The following MCF2L variants were observed in gnomAD, a reference collection of about 807,000 sequenced individuals.
MCF2L encodes MCF.2 cell line derived transforming sequence like, also known as guanine nucleotide exchange factor DBS.
MCF2L carries 97 observed loss-of-function variants against 153.4 expected under a neutral mutation model. The observed-to-expected ratio is 0.63, with a 90% CI of 0.54 to 0.75. The LOEUF is 0.75. MCF2L is among the 30% of genes least tolerant of loss of function. The pLI is 0.00. For missense variants in MCF2L, 1,347 were observed against 1,495.2 expected (o/e 0.90, Z 1.64); for synonymous variants, 659 against 632.2 (o/e 1.04, Z -0.64).
chr13:112,982,389 C>T (rs570387568), intron 1 of MCF2L, among the ~76,000 whole-genome samples: 3 of 152,298 alleles, frequency 2.0e-5, no homozygotes, highest in East Asian at 1.9e-4. Flanking sequence ...CTGGAGCCTG[C>T]GGACTGCAGG....
At chr13:113,004,850 C>G (rs769791006) in intron 1 of MCF2L, among the ~76,000 whole-genome samples, 1 of 152,212 alleles carries the variant, frequency 6.6e-6, no homozygotes, top group African/African-American at 2.4e-5. Context: ...CTGGACCTTA[C>G]GAAGACAAGT....
intron 3 of MCF2L, among the ~76,000 whole-genome samples, chr13:113,036,131 A>T (rs1019841701): frequency 3.3e-5 from 5 of 152,206 alleles, no homozygotes; most frequent in Admixed American, 3.3e-4. Context: ...CCCATTCTCC[A>T]TGCCCAGAGG....
chr13:112,935,191 C>G (rs553953363), intron 2 of MCF2L, among the ~76,000 whole-genome samples: 1 of 152,162 alleles, frequency 6.6e-6, no homozygotes. Context: ...GAAACCATAC[C>G]TCACATACCC....
intron 13 of MCF2L, among the ~76,000 whole-genome samples, chr13:113,077,696 G>A (rs943069535): frequency 5.3e-5 from 8 of 152,300 alleles, no homozygotes; most frequent in South Asian, 2.1e-4. Context: ...AGTCCGGCGC[G>A]CATTGCTGGT....
At chr13:113,072,938 A>G (rs765583461) in intron 9 of MCF2L, among the ~76,000 whole-genome samples, 1 of 152,048 alleles carries the variant, frequency 6.6e-6, no homozygotes, top group Non-Finnish European at 1.5e-5. Context: ...ATACATATTT[A>G]ATAAGAACAC....
intron 2 of MCF2L, among the ~76,000 whole-genome samples, chr13:112,934,298 G>A (rs1049981700): frequency 1.3e-5 from 2 of 152,222 alleles, no homozygotes; most frequent in African/African-American, 4.8e-5. Context: ...GGTCCACAGC[G>A]GGGAGGCTCA....
chr13:112,996,589 C>A (rs878942927), intron 1 of MCF2L, among the ~76,000 whole-genome samples: 1 of 152,178 alleles, frequency 6.6e-6, no homozygotes, highest in Admixed American at 6.5e-5. Flanking sequence ...AGAGGCCCTG[C>A]GTCTCCATCT....
intron 9 of MCF2L, among the ~76,000 whole-genome samples, chr13:113,073,648 C>T (rs748038576): frequency 2.6e-5 from 4 of 152,208 alleles, no homozygotes; most frequent in Admixed American, 6.5e-5. Flanking sequence ...GGCATGGTGG[C>T]TCACACCTGT....
intron 1 of MCF2L, among the ~76,000 whole-genome samples, chr13:112,984,012 G>A (rs1475644550): frequency 6.6e-6 from 1 of 152,202 alleles, no homozygotes; most frequent in African/African-American, 2.4e-5. Flanking sequence ...AGTGGATGTT[G>A]TCTGTTTACT....
intron 2 of MCF2L, among the ~76,000 whole-genome samples, chr13:113,017,254 G>A (rs1474613529): frequency 6.6e-6 from 1 of 152,178 alleles, no homozygotes; most frequent in Non-Finnish European, 1.5e-5. Flanking sequence ...ATGCACTGGG[G>A]GACCGAAACA....
intron 2 of MCF2L, chr13:112,955,909 C>T (rs920509773): frequency 4.6e-5 from 7 of 152,174 alleles, no homozygotes; most frequent in Non-Finnish European, 8.8e-5. Flanking sequence ...CATTTAGTCC[C>T]GGAGGATGGA....
chr13:112,962,552 T>G (rs3011475), intron 2 of MCF2L, among the ~76,000 whole-genome samples: 1 of 152,030 alleles, frequency 6.6e-6, no homozygotes, highest in African/African-American at 2.4e-5. Context: ...CAGTGCAGCC[T>G]TCACACCTGA....
intron 1 of MCF2L, among the ~76,000 whole-genome samples, chr13:112,895,527 A>C (rs1407350261): frequency 6.6e-6 from 1 of 152,088 alleles, no homozygotes; most frequent in Non-Finnish European, 1.5e-5. Flanking sequence ...TCTAGCCCCC[A>C]GGACTCCTAA....
intron 1 of MCF2L, chr13:112,985,469 C>T (rs538338749): frequency 5.7e-5 from 27 of 471,028 alleles, no homozygotes; most frequent in Admixed American, 3.5e-4. Flanking sequence ...GGCTGCTGTC[C>T]GTGGCTGAGG....
chr13:112,979,521 G>A lies in MCF2L; in HGVS notation c.79+10063G>A, dbSNP rs1169672439. The A allele has an allele frequency of 8.8e-6, 13 of 1,485,136 alleles. No homozygotes were observed. In the Admixed American group the frequency reaches 2.9e-4, roughly 34 times the overall value. The allele number at this position is 1,485,136 out of a possible 1,614,324, so 92.0% of individuals were successfully genotyped here. On this transcript the variant is annotated intron_variant, in intron 1 of 29. Coordinates refer to ENST00000535094, the MANE Select transcript of MCF2L (RefSeq NM_001112732.3). ...CCAGGGTCCTGAGCACCTGTCTCTT[G>A]TGACCATGCGGCACCCGCCCGGCTT... is the stretch of plus-strand genomic sequence containing the variant.
At position 113,087,465 on chromosome 13, in the gene MCF2L, G is replaced by T. The variant is rs778073341; in HGVS notation, c.2595+9G>T. 4 of 1,589,318 alleles carry T rather than the reference G, an allele frequency of 2.5e-6. No homozygotes were observed. The highest frequency in any genetic ancestry group is 1.3e-5 in the African/African-American group (1 of 74,626). ...ACAAGCAGTCCTTAAACGTAAGTGA[G>T]GCCGGGTCTGCAGCAGCACGCTCCT... On this transcript the variant is annotated intron_variant, in intron 22 of 29. Transcript: ENST00000535094.
Position 113,077,093 on chromosome 13 carries a change from G to A in MCF2L, c.1542G>A (p.Glu514=), listed in dbSNP as rs781114671. ...TCTTCCAGAAGCAGGCAAGCATGGA[G>A]GAGGTGTTCCACCGCAGGCAGGCCA... The part of the protein sequence containing the change: ...RKVFQKQASM[E]EVFHRRQASL... Residue 514 remains glutamate, a synonymous_variant, in exon 13 of 30, where the codon GAG becomes GAA. Coordinates refer to ENST00000535094, the MANE Select transcript of MCF2L (RefSeq NM_001112732.3). The A allele has an allele frequency of 1.9e-6, 3 of 1,612,862 alleles. No individual in the cohort carries two copies. The highest frequency in any genetic ancestry group is 2.5e-6 in the Non-Finnish European group (3 of 1,179,826).
Position 113,094,632 on chromosome 13 carries a change from G to C in MCF2L, c.3072G>C (p.Lys1024Asn). Residue 1024 changes from lysine to asparagine, a missense_variant, in exon 27 of 30, where the codon AAG (lysine) becomes AAC (asparagine). This residue lies in a region of MCF2L where 383 missense variants were observed against 335.4 expected (regional missense o/e 1.14). Transcript: ENST00000535094. ...AGGACGGCGGGTTGGGCCCCAAGAAGCTGGTAACCACGGCTTCCCTGTGGG... is the reference window on the plus strand; with the variant it reads ...AGGACGGCGGGTTGGGCCCCAAGAACCTGGTAACCACGGCTTCCCTGTGGG... ...AEEDGGLGPK[K>N]LVPGKYTVVA... is the part of the protein sequence containing the mutation. 1 of 1,609,724 alleles carries C rather than the reference G, an allele frequency of 6.2e-7. No homozygotes were observed. Among genetic ancestry groups the C allele is most frequent in the South Asian group, 1.1e-5 (1 of 90,684 alleles).
chr13:112,915,869 TTTGTTGTTG>T (rs533153029), intron 2 of MCF2L, among the ~76,000 whole-genome samples: 32 of 152,020 alleles, frequency 2.1e-4, no homozygotes, highest in Admixed American at 1.1e-3. Flanking sequence ...AGATGGGTAC[TTTGTTGTTG>T]TTGTTGTTGT....
Sources: gnomAD v4.1 joint callset for allele counts (sites outside exome capture counted in the v4.1 genomes callset) on GRCh38, gnomAD v4.1.1 for gene constraint, gnomAD v4.1.1 regional missense constraint, MANE v1.5 for transcripts, NCBI Gene and HGNC (gene_info 2026-07-23, HGNC 2026-07-21) for gene names.